KIF21A: variants seen among roughly 807,000 people sequenced by gnomAD.
KIF21A encodes the protein kinesin-like protein KIF21A.
A neutral mutation model predicts 202.9 loss-of-function variants in KIF21A; 114 were observed. The observed-to-expected ratio is 0.56, with a 90% CI of 0.48 to 0.66. The LOEUF is 0.66. Ranked by LOEUF, KIF21A falls within the 30% of genes least tolerant of loss-of-function variation. The pLI, the probability that KIF21A is intolerant of heterozygous loss-of-function variation, is 0.00. For missense variants in KIF21A, 1,677 were observed against 1,994.9 expected, an observed-to-expected ratio of 0.84 and a Z score of 3.04; for synonymous variants, 667 against 670.8, an observed-to-expected ratio of 0.99 and a Z score of 0.09.
chr12:39,296,643 G>A (rs1942401170), intron 37 of KIF21A, among the ~76,000 whole-genome samples: 1 of 152,184 alleles, frequency 6.6e-6, no homozygotes, highest in Non-Finnish European at 1.5e-5. Context: ...GCAGGGTCAG[G>A]ACATTTGAGA....
At chr12:39,355,768 A>T (rs1948737333) in intron 10 of KIF21A, among the ~76,000 whole-genome samples, 1 of 146,434 alleles carries the variant, frequency 6.8e-6, no homozygotes, top group Admixed American at 6.8e-5. Flanking sequence ...ATATATGTAC[A>T]CACACACATA....
In KIF21A at chr12:39,370,210, T is replaced by G. The variant is rs1003974654; in HGVS notation, c.96A>C (p.Thr32=). Residue 32 remains threonine, a synonymous_variant, in exon 2 of 38, where the codon ACA becomes ACC. Transcript: ENST00000361418. ...KEKIEGCHIC[T]SVTPGEPQVF... Reference sequence around the variant, plus strand: ...CCTGAGGCTCTCCTGGTGTGACAGATGTACAAATATGGCATCCTTCAATCT... The same window carrying G: ...CCTGAGGCTCTCCTGGTGTGACAGAGGTACAAATATGGCATCCTTCAATCT... The G allele has an allele frequency of 1.2e-6, 2 of 1,613,638 alleles. No homozygotes were observed. The highest frequency in any genetic ancestry group is 2.2e-5 in the East Asian group (1 of 44,854).
chr12:39,337,568 G>A (rs1270370896), intron 16 of KIF21A: 1 of 226,404 alleles, frequency 4.4e-6, no homozygotes, highest in Non-Finnish European at 8.8e-6. Flanking sequence ...CACAGCATTG[G>A]ATTTTTGTGA....
At chr12:39,420,074 T>TAAA (rs72435342) in intron 1 of KIF21A, among the ~76,000 whole-genome samples, 6 of 83,110 alleles carry the variant, frequency 7.2e-5, no homozygotes, top group East Asian at 3.5e-4. Context: ...AGACAGAAAG[T>TAAA]AAAAAAAAAA....
intron 15 of KIF21A, 29 bp from the exon 16 acceptor site, chr12:39,340,393 T>C: frequency 6.6e-7 from 1 of 1,516,430 alleles, no homozygotes; most frequent in Non-Finnish European, 9.0e-7. Context: ...TTTTTATATG[T>C]TTTTTTGTGA....
chr12:39,298,351 T>A (rs1942616701), intron 37 of KIF21A, among the ~76,000 whole-genome samples: 1 of 152,186 alleles, frequency 6.6e-6, no homozygotes, highest in South Asian at 2.1e-4. Context: ...TTTGACTGAA[T>A]GTTAAGTTGT....
intron 10 of KIF21A, among the ~76,000 whole-genome samples, chr12:39,353,881 C>G (rs747979220): frequency 6.6e-6 from 1 of 152,002 alleles, no homozygotes; most frequent in African/African-American, 2.4e-5. Context: ...TCTCTCTTCC[C>G]GTTCACTCAC....
At chr12:39,354,586 A>G (rs2138758773) in intron 10 of KIF21A, among the ~76,000 whole-genome samples, 1 of 152,292 alleles carries the variant, frequency 6.6e-6, no homozygotes, top group South Asian at 2.1e-4. Flanking sequence ...TTAAAAGGTA[A>G]CTACTATTCA....
In KIF21A at chr12:39,358,264, C is replaced by A; in HGVS notation, c.1129G>T (p.Val377Phe). The part of the protein sequence containing the change: ...RARNIKNKVM[V>F]NQDRASQQIN... ...TGCTGACTAGCTCTGTCCTGATTGA[C>A]CATCACCTTATTCTTGATATTTCTA... Residue 377 changes from valine to phenylalanine, a missense_variant, in exon 8 of 38, where the codon GTC becomes TTC. By Grantham distance (50) the Val-to-Phe change is conservative (BLOSUM62 -1). Around this residue, in one of 3 missense-constraint regions of KIF21A, gnomAD observed 966 missense variants for 1,180.9 expected, o/e 0.82. Coordinates refer to ENST00000361418, the MANE Select transcript of KIF21A (RefSeq NM_001173464.2). The A allele has an allele frequency of 1.2e-6, 2 of 1,614,050 alleles. No individual in the cohort carries two copies. Among genetic ancestry groups the A allele is most frequent in the Non-Finnish European group, 1.7e-6 (2 of 1,179,960 alleles).
chr12:39,360,488 A>G lies in KIF21A; in HGVS notation c.1020-2115T>C, dbSNP rs536777280. Among the ~76,000 whole-genome samples the G allele has an allele frequency of 2.6e-5, 4 of 151,522 alleles. No individual in the cohort carries two copies. The East Asian group carries it at 7.8e-4, about 30-fold the overall frequency. ...CACTGCAACCTCCGCCTCCTGAGTT[A>G]AAGCGATTCTCCTGCCTCAGCCTCC... is the stretch of plus-strand genomic sequence containing the variant. On this transcript the variant is annotated intron_variant, in intron 7 of 37. Transcript: ENST00000361418.
At chr12:39,433,161 A>C (rs976046893) in intron 1 of KIF21A, among the ~76,000 whole-genome samples, 15 of 152,222 alleles carry the variant, frequency 9.9e-5, no homozygotes, top group African/African-American at 3.4e-4. Context: ...CTGAATAAAA[A>C]TAACTTTCTT....
Position 39,442,963 on chromosome 12 carries a change from C to G in KIF21A, c.8G>C (p.Gly3Ala). 1 of 1,521,988 alleles carries G rather than the reference C, an allele frequency of 6.6e-7. No individual in the cohort carries two copies. Among genetic ancestry groups the G allele is most frequent in the African/African-American group, 1.4e-5 (1 of 70,544 alleles). 94.3% of individuals were successfully genotyped at this position (1,521,988 alleles called of 1,614,324 possible). ...CCGCACGGAGCTCTCGTCCGGGGCGCCCAACATGCTGGCGGCGGGCAGCGA... is the reference window on the plus strand; with the variant it reads ...CCGCACGGAGCTCTCGTCCGGGGCGGCCAACATGCTGGCGGCGGGCAGCGA... ML[G>A]APDESSVRVA... The change falls in exon 1 of 38, where the codon GGC (glycine) becomes GCC (alanine). Residue 3 changes from glycine (G) to alanine (A), a missense_variant. Gly to Ala is a moderately conservative substitution (Grantham distance 60, BLOSUM62 0). Around this residue, in one of 3 missense-constraint regions of KIF21A, gnomAD observed 966 missense variants for 1,180.9 expected, o/e 0.82. Transcript: ENST00000361418. This position sits in a 1 kb window ranked among gnomAD's most constrained non-coding sequence, Gnocchi z 5.0.
intron 1 of KIF21A, among the ~76,000 whole-genome samples, chr12:39,427,915 T>A (rs1054278915): frequency 1.3e-5 from 2 of 152,176 alleles, no homozygotes; most frequent in African/African-American, 4.8e-5. Flanking sequence ...TGCCTCAGCC[T>A]CCCAAAGTGC....
chr12:39,304,773 A>G (rs780704293), intron 35 of KIF21A, 48 bp downstream of exon 35: 5 of 1,005,622 alleles, frequency 5.0e-6, no homozygotes, highest in South Asian at 3.8e-5. Flanking sequence ...ATACTTCAAA[A>G]TTATCATTTA....
intron 37 of KIF21A, among the ~76,000 whole-genome samples, chr12:39,298,249 G>A (rs567426675): frequency 6.6e-6 from 1 of 152,248 alleles, no homozygotes; most frequent in South Asian, 2.1e-4. Context: ...GCACTTAGCT[G>A]AAGAGACAAA....
At chr12:39,363,036 T>A in intron 7 of KIF21A, 62 bp downstream of exon 7, 1 of 1,074,326 alleles carries the variant, frequency 9.3e-7, no homozygotes, top group Non-Finnish European at 1.4e-6. Flanking sequence ...TAAATCATCT[T>A]ACAAGCTTAT....
chr12:39,331,088 T>G (rs1031524357), intron 22 of KIF21A, among the ~76,000 whole-genome samples, 177 bp from the exon 23 acceptor site: 4 of 152,170 alleles, frequency 2.6e-5, no homozygotes, highest in Non-Finnish European at 5.9e-5. Context: ...CTGTCCAAGA[T>G]GTTATCTTCT....
At chr12:39,306,932 T>C (rs1943528359) in intron 34 of KIF21A, among the ~76,000 whole-genome samples, 1 of 152,320 alleles carries the variant, frequency 6.6e-6, no homozygotes, top group East Asian at 1.9e-4. Flanking sequence ...TAAGTGAATG[T>C]TTCCTTGCTG....
chr12:39,311,511 A>G lies in KIF21A; in HGVS notation c.4002T>C (p.Ala1334=), dbSNP rs1163791680. Residue 1334 remains alanine, a synonymous_variant, in exon 32 of 38, where the codon GCT becomes GCC. Transcript: ENST00000361418. The stretch of plus-strand genomic sequence containing the variant: ...CTATGTGAATACACTGAAGTGGAAA[A>G]GCTCTGATTCCTTTTGAAGCAGGAA... The part of the protein sequence containing the change: ...NPFPASKGIR[A]FPLQCIHIAE... 1 of 1,613,222 alleles carries G rather than the reference A, an allele frequency of 6.2e-7. No individual in the cohort carries two copies. Among genetic ancestry groups the G allele is most frequent in the South Asian group, 1.1e-5 (1 of 91,074 alleles).
Sources: allele counts gnomAD v4.1 joint callset (sites outside exome capture counted in the v4.1 genomes callset), GRCh38; gene constraint gnomAD v4.1.1; regional missense constraint gnomAD v4.1.1; non-coding constraint Gnocchi (gnomAD v3.1); transcripts MANE v1.5; gene names NCBI Gene and HGNC (gene_info 2026-07-23, HGNC 2026-07-21).